Variants in MAML2 observed in about 807,000 individuals in gnomAD.
The protein encoded by MAML2 is mastermind-like protein 2.
In MAML2, 22 loss-of-function variants were observed where a neutral mutation model predicts 96.1. The ratio of observed to expected loss-of-function variants is 0.23; its 90% confidence interval spans 0.16 to 0.33. The LOEUF (loss-of-function observed/expected upper bound fraction) is 0.33, where lower values mean the gene tolerates loss of function less well. MAML2 is among the 10% of genes least tolerant of loss of function. MAML2 has a pLI of 1.00. For missense variants in MAML2, 1,367 were observed against 1,392.4 expected, an observed-to-expected ratio of 0.98 and a Z score of 0.29; for synonymous variants, 561 against 521.3, an observed-to-expected ratio of 1.08 and a Z score of -1.04.
chr11:95,988,691 G>C (rs1201951985), intron 3 of MAML2, among the ~76,000 whole-genome samples: 1 of 151,534 alleles, frequency 6.6e-6, no homozygotes, highest in African/African-American at 2.4e-5. Context: ...ACATAACACA[G>C]AACTGCCATG....
chr11:96,170,807 C>T (rs190336075), intron 1 of MAML2, among the ~76,000 whole-genome samples: 9 of 152,104 alleles, frequency 5.9e-5, no homozygotes, highest in Admixed American at 2.0e-4. Flanking sequence ...CTCCGCCTCC[C>T]GGGTTCACGC....
chr11:96,189,098 C>T (rs1366730138), intron 1 of MAML2, among the ~76,000 whole-genome samples: 1 of 150,710 alleles, frequency 6.6e-6, no homozygotes, highest in Non-Finnish European at 1.5e-5. Flanking sequence ...TGGTTCCACT[C>T]ATGGAAATGA....
intron 2 of MAML2, among the ~76,000 whole-genome samples, chr11:96,010,403 T>C (rs1208514148): frequency 1.3e-5 from 2 of 152,136 alleles, no homozygotes; most frequent in African/African-American, 2.4e-5. Flanking sequence ...CTTCCTACTT[T>C]TATATGTAGG....
chr11:96,235,291 A>T (rs530021221), intron 1 of MAML2, among the ~76,000 whole-genome samples: 1 of 152,194 alleles, frequency 6.6e-6, no homozygotes, highest in African/African-American at 2.4e-5. Flanking sequence ...TTATTGGAAC[A>T]TAGACACACT....
At chr11:96,167,175 A>G (rs1490986722) in intron 1 of MAML2, among the ~76,000 whole-genome samples, 4 of 152,122 alleles carry the variant, frequency 2.6e-5, no homozygotes, top group Admixed American at 1.3e-4. Flanking sequence ...TGCCATTGCC[A>G]TTTGTGTTAG....
intron 2 of MAML2, among the ~76,000 whole-genome samples, chr11:96,042,418 G>C (rs897022118): frequency 1.3e-5 from 2 of 152,210 alleles, no homozygotes; most frequent in African/African-American, 4.8e-5. Flanking sequence ...AGTGTGCCCA[G>C]CTGCCTTCTC....
chr11:95,992,966 A>G (rs1857935659), intron 2 of MAML2, among the ~76,000 whole-genome samples: 1 of 151,972 alleles, frequency 6.6e-6, no homozygotes, highest in Non-Finnish European at 1.5e-5. Flanking sequence ...CTGCAGCTTC[A>G]ACCTCCCAGG....
At chr11:96,184,131 T>G in intron 1 of MAML2, among the ~76,000 whole-genome samples, 1 of 152,124 alleles carries the variant, frequency 6.6e-6, no homozygotes, top group Admixed American at 6.5e-5. Context: ...AGCAAAGCCC[T>G]AAAAAGCAAC....
chr11:96,191,173 G>A (rs1861647118), intron 1 of MAML2, among the ~76,000 whole-genome samples: 1 of 152,108 alleles, frequency 6.6e-6, no homozygotes, highest in Non-Finnish European at 1.5e-5. Context: ...GGAAGCATAA[G>A]AATGGAACTA....
intron 1 of MAML2, among the ~76,000 whole-genome samples, chr11:96,229,423 C>T (rs951476840): frequency 6.6e-6 from 1 of 151,106 alleles, no homozygotes; most frequent in African/African-American, 2.4e-5. Flanking sequence ...GCCTTTCACA[C>T]CCCTGGAGCC....
chr11:96,052,267 T>C lies in MAML2; in HGVS notation c.2139+39625A>G, dbSNP rs562941764. Among the ~76,000 whole-genome samples the C allele has an allele frequency of 5.9e-5, 9 of 152,294 alleles. No homozygotes were observed. The East Asian group carries it at 1.3e-3, about 23-fold the overall frequency. On this transcript the variant is annotated intron_variant, in intron 2 of 4. Transcript: ENST00000524717. ...GCCATATTAATCAATATCCATATGA[T>C]ACATTTAGGAACACATACTAGGAAA...
At chr11:96,321,321 A>C (rs1233590568) in intron 1 of MAML2, among the ~76,000 whole-genome samples, 1 of 152,224 alleles carries the variant, frequency 6.6e-6, no homozygotes, top group Non-Finnish European at 1.5e-5. Flanking sequence ...TCACGAGAGA[A>C]AGATGTCAAA....
At chr11:96,032,898 C>T (rs772371573) in intron 2 of MAML2, among the ~76,000 whole-genome samples, 1 of 152,022 alleles carries the variant, frequency 6.6e-6, no homozygotes, top group Non-Finnish European at 1.5e-5. Context: ...AGGTTGAATA[C>T]AAAGAGACAC....
At chr11:96,043,371 G>T (rs935625403) in intron 2 of MAML2, among the ~76,000 whole-genome samples, 1 of 152,128 alleles carries the variant, frequency 6.6e-6, no homozygotes, top group African/African-American at 2.4e-5. Context: ...TACTTCAAAA[G>T]AAGGAACAAC....
chr11:96,106,913 T>C (rs1461717309), intron 1 of MAML2, among the ~76,000 whole-genome samples: 1 of 150,902 alleles, frequency 6.6e-6, no homozygotes, highest in Non-Finnish European at 1.5e-5. Context: ...AAGTGCTTCC[T>C]TACACATGAC....
intron 1 of MAML2, among the ~76,000 whole-genome samples, chr11:96,186,782 T>C (rs1861582604): frequency 6.6e-6 from 1 of 152,202 alleles, no homozygotes; most frequent in Admixed American, 6.5e-5. Context: ...ACATAGTAGG[T>C]GAGTGTTAGA....
At chr11:96,164,760 A>C (rs1347132777) in intron 1 of MAML2, among the ~76,000 whole-genome samples, 2 of 152,228 alleles carry the variant, frequency 1.3e-5, no homozygotes, top group Non-Finnish European at 2.9e-5. Context: ...TTGATGTACA[A>C]TGCTTAAGAC....
At chr11:96,182,882 G>A (rs902595049) in intron 1 of MAML2, among the ~76,000 whole-genome samples, 6 of 151,632 alleles carry the variant, frequency 4.0e-5, no homozygotes, top group Non-Finnish European at 5.9e-5. Flanking sequence ...TTTTGTTGTC[G>A]CTATCATACC....
chr11:96,013,430 G>A (rs559413422), intron 2 of MAML2, among the ~76,000 whole-genome samples: 3 of 152,214 alleles, frequency 2.0e-5, no homozygotes, highest in African/African-American at 7.2e-5. Context: ...AGGGAAGAGT[G>A]TGGTCCCTTT....
Sources: gnomAD v4.1 joint callset for allele counts (sites outside exome capture counted in the v4.1 genomes callset) on GRCh38, gnomAD v4.1.1 for gene constraint, MANE v1.5 for transcripts, NCBI Gene and HGNC (gene_info 2026-07-23, HGNC 2026-07-21) for gene names.